Variants in CACNA1C observed in about 807,000 individuals in gnomAD.
CACNA1C encodes voltage-dependent L-type calcium channel subunit alpha-1C.
CACNA1C carries 30 observed loss-of-function variants against 229.0 expected under a neutral mutation model. The ratio of observed to expected loss-of-function variants is 0.13; its 90% CI spans 0.10 to 0.18. The LOEUF is 0.18. Among genes scored for constraint, CACNA1C ranks in the 10% least tolerant of loss-of-function variants. The pLI is 1.00. For synonymous variants in CACNA1C, 1,114 were observed against 1,132.5 expected, an observed-to-expected ratio of 0.98 and a Z score of 0.33; for missense variants, 1,658 against 2,845.0, an observed-to-expected ratio of 0.58 and a Z score of 9.49.
At position 2,312,567 on chromosome 12, in the gene CACNA1C, C is replaced by T. The variant is rs2095495321; in HGVS notation, c.478-136409C>T. The stretch of plus-strand genomic sequence containing the variant: ...CTCCTCCTCTTCTCTTCAGTTTCTT[C>T]CTCATATGACACAGCTTCCAGACCC... On this transcript the variant is annotated intron_variant, in intron 3 of 46. Coordinates refer to ENST00000399655, the MANE Select transcript of CACNA1C (RefSeq NM_000719.7). 1.3e-5 allele frequency among the ~76,000 whole-genome samples: 2 copies of T among 152,206 alleles called. 1 individual carries two copies. The highest frequency in any genetic ancestry group is 4.1e-4 in the South Asian group (2 of 4,834).
At chr12:2,617,968 C>T (rs1463967416) in intron 29 of CACNA1C, among the ~76,000 whole-genome samples, 1 of 152,256 alleles carries the variant, frequency 6.6e-6, no homozygotes, top group Non-Finnish European at 1.5e-5. Flanking sequence ...GGGCAAATAG[C>T]TTTCGTCACA....
rs77558515 is a variant in CACNA1C, at chr12:2,275,266, A to G, written c.477+154836A>G. Reference sequence around the variant, plus strand: ...ACGTGATCTTTCTTTCCTTTGCCCAATACATGTCAGGCTCTGTGTGGCAAG... The same window carrying G: ...ACGTGATCTTTCTTTCCTTTGCCCAGTACATGTCAGGCTCTGTGTGGCAAG... On this transcript the variant is annotated intron_variant, in intron 3 of 46. Transcript: ENST00000399655. This position sits in a 1 kb window ranked among gnomAD's most constrained non-coding sequence, Gnocchi z 4.1. 0.058 allele frequency among the ~76,000 whole-genome samples: 8,760 copies of G among 152,206 alleles called. 321 individuals are homozygous for G. Among genetic ancestry groups the G allele is most frequent in the African/African-American group, 0.094 (3,909 of 41,504 alleles).
At chr12:2,254,463 A>G (rs1292836676) in intron 3 of CACNA1C, among the ~76,000 whole-genome samples, 1 of 152,136 alleles carries the variant, frequency 6.6e-6, no homozygotes, top group African/African-American at 2.4e-5. Flanking sequence ...TTTTCCTCTT[A>G]GTATGAGAAC....
rs1060503449 is a variant in CACNA1C, at chr12:2,612,019, C to T, written c.3828+6C>T. ...TCATTGCCTTCAAACCCAAGGTAGG[C>T]CTCTGAGAAAGACCTTTGATTCCCA... On this transcript the variant is annotated splice_donor_region_variant and intron_variant, in intron 29 of 46. Transcript: ENST00000399655. 1.3e-6 allele frequency: 2 copies of T among 1,541,562 alleles called. No homozygotes were observed. Among genetic ancestry groups the T allele is most frequent in the African/African-American group, 2.7e-5 (2 of 73,376 alleles).
chr12:2,679,160 CG>C lies in CACNA1C; in HGVS notation c.5092-282del, dbSNP rs1241973147. On this transcript the variant is annotated intron_variant, in intron 41 of 46. Coordinates refer to ENST00000399655, the MANE Select transcript of CACNA1C (RefSeq NM_000719.7). The surrounding 1 kb of genome is among the most constrained non-coding windows in gnomAD (Gnocchi z 5.5). Reference sequence around the variant, plus strand: ...AAACCTCCAGGGCAGCTCGTACCAGCGGCAGCCCCTTGCCCAATCCCATCCC... The same window carrying C: ...AAACCTCCAGGGCAGCTCGTACCAGCGCAGCCCCTTGCCCAATCCCATCCC... 6.6e-6 allele frequency among the ~76,000 whole-genome samples: 1 copy of C among 152,212 alleles called. No homozygotes were observed. Among genetic ancestry groups the C allele is most frequent in the Admixed American group, 6.5e-5 (1 of 15,284 alleles).
chr12:2,369,227 T>C (rs1175811770), intron 3 of CACNA1C, among the ~76,000 whole-genome samples: 1 of 152,084 alleles, frequency 6.6e-6, no homozygotes, highest in Non-Finnish European at 1.5e-5. Context: ...CCCCTCAATT[T>C]ATGTATGGTA....
chr12:2,171,458 A>G (rs2096476406), intron 3 of CACNA1C, among the ~76,000 whole-genome samples: 1 of 152,172 alleles, frequency 6.6e-6, no homozygotes, highest in African/African-American at 2.4e-5. Flanking sequence ...AGATGAGTCC[A>G]TGGTGGAAAA....
intron 3 of CACNA1C, among the ~76,000 whole-genome samples, chr12:2,418,903 G>A (rs1001691986): frequency 2.6e-5 from 4 of 152,146 alleles, no homozygotes; most frequent in African/African-American, 9.7e-5. Flanking sequence ...TTTACCTCCT[G>A]GAGTCACAGA....
intron 3 of CACNA1C, among the ~76,000 whole-genome samples, chr12:2,252,822 T>A (rs1330698573): frequency 6.6e-6 from 1 of 152,100 alleles, no homozygotes; most frequent in African/African-American, 2.4e-5. Context: ...TCCTTCCAAG[T>A]CCTCCTTAGA....
chr12:2,110,949 C>T (rs1386192268), intron 1 of CACNA1C, among the ~76,000 whole-genome samples: 1 of 149,324 alleles, frequency 6.7e-6, no homozygotes, highest in Non-Finnish European at 1.5e-5. Flanking sequence ...CTGTCTCACC[C>T]GAGAGGCCAC....
chr12:2,329,479 C>T (rs2096466312), intron 3 of CACNA1C, among the ~76,000 whole-genome samples: 1 of 152,188 alleles, frequency 6.6e-6, no homozygotes, highest in Non-Finnish European at 1.5e-5. Flanking sequence ...GGGCCGATGC[C>T]TGTCCCCATC....
At chr12:2,326,843 G>T (rs1592912485) in intron 3 of CACNA1C, among the ~76,000 whole-genome samples, 1 of 152,328 alleles carries the variant, frequency 6.6e-6, no homozygotes, top group South Asian at 2.1e-4. Context: ...AGACGATCTG[G>T]TTCAATTGTC....
intron 3 of CACNA1C, among the ~76,000 whole-genome samples, chr12:2,230,004 G>A (rs990843379): frequency 3.3e-5 from 5 of 152,232 alleles, no homozygotes; most frequent in African/African-American, 1.2e-4. Flanking sequence ...GTGCGCGCCC[G>A]CCTGGCTCCG....
chr12:2,386,759 G>A (rs1437762165), intron 3 of CACNA1C, among the ~76,000 whole-genome samples: 1 of 152,186 alleles, frequency 6.6e-6, no homozygotes, highest in East Asian at 1.9e-4. Flanking sequence ...GGGCAAGGGC[G>A]TGCCCTGTTT....
At chr12:2,239,379 C>T (rs559815027) in intron 3 of CACNA1C, among the ~76,000 whole-genome samples, 61 of 152,058 alleles carry the variant, frequency 4.0e-4, no homozygotes, top group African/African-American at 1.4e-3. Context: ...GGCTTCATCT[C>T]GTAAGGCTCT....
rs1218768527 is a variant in CACNA1C, at chr12:2,575,264, A to G, written c.1896-6326A>G. 6.6e-6 allele frequency among the ~76,000 whole-genome samples: 1 copy of G among 152,216 alleles called. No homozygotes were observed. Among genetic ancestry groups the G allele is most frequent in the Non-Finnish European group, 1.5e-5 (1 of 68,030 alleles). On this transcript the variant is annotated intron_variant, in intron 13 of 46. Transcript: ENST00000399655. The surrounding 1 kb of genome is among the most constrained non-coding windows in gnomAD (Gnocchi z 4.0). ...AGAATGGACGGGAGCAGGGGCAGGT[A>G]CCAGTAGAAACTGAACCGGTAGTTG...
chr12:2,449,269 AG>A (rs1229253711), intron 4 of CACNA1C, among the ~76,000 whole-genome samples, 154 bp downstream of exon 4: 2 of 152,232 alleles, frequency 1.3e-5, no homozygotes, highest in Non-Finnish European at 2.9e-5. Flanking sequence ...TTTTGCTAAA[AG>A]GAACAGAAAG....
chr12:2,361,960 T>C (rs981581889), intron 3 of CACNA1C, among the ~76,000 whole-genome samples: 1 of 152,230 alleles, frequency 6.6e-6, no homozygotes, highest in African/African-American at 2.4e-5. Flanking sequence ...GTGATCTTGA[T>C]CAACTGATTG....
chr12:2,007,359 A>C (rs2043645854), intron 1 of CACNA1C, among the ~76,000 whole-genome samples: 1 of 152,232 alleles, frequency 6.6e-6, no homozygotes. Flanking sequence ...CTCATTAGAG[A>C]AGACAGGCAA....
Sources: allele counts gnomAD v4.1 joint callset (sites outside exome capture counted in the v4.1 genomes callset), GRCh38; gene constraint gnomAD v4.1.1; non-coding constraint Gnocchi (gnomAD v3.1); transcripts MANE v1.5; gene names NCBI Gene and HGNC (gene_info 2026-07-23, HGNC 2026-07-21).